Variants in DENND1B observed in about 807,000 individuals in gnomAD.
The protein encoded by DENND1B is DENN domain containing 1B, also known as DENN domain-containing protein 1B.
Under a neutral mutation model 90.1 loss-of-function variants are expected in DENND1B, and 59 were observed. The ratio of observed to expected loss-of-function variants is 0.65; its 90% CI spans 0.53 to 0.81. The LOEUF is 0.81. Ranked by LOEUF, DENND1B falls within the 40% of genes least tolerant of loss-of-function variation. The probability of loss-of-function intolerance (pLI) is 0.00; values close to 1 mark genes in which losing one functional copy is unlikely to be tolerated. For missense variants in DENND1B, 862 were observed against 912.6 expected, an observed-to-expected ratio of 0.94 and a Z score of 0.71; for synonymous variants, 337 against 324.6, an observed-to-expected ratio of 1.04 and a Z score of -0.41.
chr1:197,706,368 G>T (rs1342003413), intron 3 of DENND1B, among the ~76,000 whole-genome samples: 2 of 152,064 alleles, frequency 1.3e-5, no homozygotes, highest in Non-Finnish European at 2.9e-5. Context: ...ATGTTGCGTT[G>T]GGCAAAGATT....
intron 20 of DENND1B, among the ~76,000 whole-genome samples, chr1:197,529,923 G>A (rs1163924864): frequency 6.6e-6 from 1 of 152,102 alleles, no homozygotes; most frequent in Non-Finnish European, 1.5e-5. Context: ...ACCAGAGAAG[G>A]ATCCTTTCCC....
At chr1:197,765,212 C>T (rs1655556903) in intron 2 of DENND1B, among the ~76,000 whole-genome samples, 1 of 152,168 alleles carries the variant, frequency 6.6e-6, no homozygotes, top group African/African-American at 2.4e-5. Context: ...TGAACCAAGA[C>T]ATTACTTTCT....
chr1:197,519,363 T>C (rs938542408), intron 20 of DENND1B, among the ~76,000 whole-genome samples: 16 of 151,904 alleles, frequency 1.1e-4, no homozygotes, highest in African/African-American at 3.9e-4. Context: ...ACATAAAGGA[T>C]AAAGTACTAT....
At chr1:197,684,705 T>TATCAGATTTACAGTAAA (rs1268834797) in intron 3 of DENND1B, among the ~76,000 whole-genome samples, 1 of 152,218 alleles carries the variant, frequency 6.6e-6, no homozygotes, top group Non-Finnish European at 1.5e-5. Flanking sequence ...CTACTAAGAA[T>TATCAGATTTACAGTAAA]ATCAGATTTA....
In DENND1B at chr1:197,680,363, C is replaced by T. The variant is rs539073489; in HGVS notation, c.127-6194G>A. ...AATAGATCATAAAATAGAACACTCC[C>T]CATAATATTTGCTTACATTTCTAGA... On this transcript the variant is annotated intron_variant, in intron 3 of 22. Transcript: ENST00000620048. Among the ~76,000 whole-genome samples the T allele has an allele frequency of 3.3e-5, 5 of 152,150 alleles. No homozygotes were observed. The South Asian group carries it at 8.3e-4, about 25-fold the overall frequency.
At chr1:197,667,323 C>T (rs2125975818) in intron 5 of DENND1B, among the ~76,000 whole-genome samples, 1 of 152,254 alleles carries the variant, frequency 6.6e-6, no homozygotes, top group East Asian at 1.9e-4. Context: ...CAATATCTGG[C>T]TCAAAGATTG....
At chr1:197,631,207 T>A (rs1679293304) in intron 10 of DENND1B, among the ~76,000 whole-genome samples, 1 of 152,118 alleles carries the variant, frequency 6.6e-6, no homozygotes, top group African/African-American at 2.4e-5. Flanking sequence ...TTCTGGAGGA[T>A]GAAGGGTTAG....
intron 10 of DENND1B, among the ~76,000 whole-genome samples, chr1:197,628,113 T>C (rs1295904795): frequency 1.3e-5 from 2 of 152,110 alleles, no homozygotes; most frequent in East Asian, 1.9e-4. Context: ...AGGTATTTTA[T>C]AGATTCAATG....
intron 3 of DENND1B, among the ~76,000 whole-genome samples, chr1:197,707,079 T>TA (rs922580894): frequency 1.3e-5 from 2 of 151,998 alleles, no homozygotes; most frequent in African/African-American, 4.8e-5. Flanking sequence ...TATTCAACTA[T>TA]AAAAAAAGAA....
chr1:197,762,038 T>A (rs765939718), intron 2 of DENND1B: 4 of 152,146 alleles, frequency 2.6e-5, no homozygotes, highest in South Asian at 4.1e-4. Context: ...GAATTGATAA[T>A]CAGAACAATC....
intron 12 of DENND1B, 126 bp from the exon 13 acceptor site, chr1:197,607,300 T>C (rs1167044472): frequency 1.3e-5 from 7 of 543,040 alleles, no homozygotes; most frequent in Non-Finnish European, 1.5e-5. Context: ...GAAAATCCTA[T>C]ATTATGAAAG....
At chr1:197,660,953 C>T (rs909585076) in intron 5 of DENND1B, among the ~76,000 whole-genome samples, 1 of 151,978 alleles carries the variant, frequency 6.6e-6, no homozygotes, top group South Asian at 2.1e-4. Flanking sequence ...GCAAAGGCCT[C>T]GAGAGCAACC....
rs370984373 is a variant in DENND1B, at chr1:197,642,817, T to C, written c.566A>G (p.Asn189Ser). Residue 189 changes from asparagine to serine, a missense_variant, in exon 10 of 23, where the codon AAT becomes AGT. By Grantham distance (46) the Asn-to-Ser change is conservative. Transcript: ENST00000620048. ...TGLPTIPESRNLTEYFVAVDV... is the reference protein window; with the variant it reads ...TGLPTIPESRSLTEYFVAVDV... ...CACGGCAACAAAATATTCTGTAAGA[T>C]TTCTCTGTACAAGTAAAAGATAATT... 102 of 1,610,334 alleles carry C rather than the reference T, an allele frequency of 6.3e-5. No homozygotes were observed. The highest frequency in any genetic ancestry group is 8.1e-5 in the Non-Finnish European group (95 of 1,177,630).
At position 197,755,853 on chromosome 1, in the gene DENND1B, C is replaced by G. The variant is rs371553479; in HGVS notation, c.82+17015G>C. 5.3e-5 allele frequency among the ~76,000 whole-genome samples: 8 copies of G among 152,244 alleles called. No homozygotes were observed. In the South Asian group the frequency reaches 1.7e-3, roughly 32 times the overall value. On this transcript the variant is annotated intron_variant, in intron 2 of 22. Coordinates refer to ENST00000620048, the MANE Select transcript of DENND1B (RefSeq NM_001195215.2). ...AGATCCTGTGAGACCCATTTACTATCACAAGAACAGCACAGGAAAGACCCA... is the reference window on the plus strand; with the variant it reads ...AGATCCTGTGAGACCCATTTACTATGACAAGAACAGCACAGGAAAGACCCA...
intron 20 of DENND1B, among the ~76,000 whole-genome samples, chr1:197,528,865 A>C (rs974847984): frequency 6.6e-6 from 1 of 151,634 alleles, no homozygotes; most frequent in Non-Finnish European, 1.5e-5. Context: ...TCTCAAAAAA[A>C]AAAAAAAATT....
intron 10 of DENND1B, among the ~76,000 whole-genome samples, chr1:197,630,946 CTT>C (rs1679270870): frequency 1.3e-5 from 2 of 152,266 alleles, no homozygotes; most frequent in South Asian, 4.1e-4. Context: ...CGTCACAACT[CTT>C]TGGATTTCTG....
At chr1:197,699,574 C>A (rs913641846) in intron 3 of DENND1B, among the ~76,000 whole-genome samples, 1 of 151,734 alleles carries the variant, frequency 6.6e-6, no homozygotes, top group African/African-American at 2.4e-5. Context: ...TCAGGCAAGA[C>A]AAAGAAATAA....
At position 197,656,256 on chromosome 1, in the gene DENND1B, G is replaced by A. The variant is rs1402932161; in HGVS notation, c.366+2044C>T. The stretch of plus-strand genomic sequence containing the variant: ...CATAAATAACACCAAAATTTTAGGT[G>A]TAGATGGACAAAAAAGGCCCAAAAG... On this transcript the variant is annotated intron_variant, in intron 6 of 22. Transcript: ENST00000620048. Among the ~76,000 whole-genome samples the A allele has an allele frequency of 2.0e-5, 3 of 151,930 alleles. No individual in the cohort carries two copies. The South Asian group carries it at 6.2e-4, about 32-fold the overall frequency.
At chr1:197,707,418 A>G (rs1384563225) in intron 3 of DENND1B, among the ~76,000 whole-genome samples, 1 of 151,880 alleles carries the variant, frequency 6.6e-6, no homozygotes, top group African/African-American at 2.4e-5. Flanking sequence ...AGAAGAGCAG[A>G]TTTTGAATAA....
Sources: allele counts gnomAD v4.1 joint callset (sites outside exome capture counted in the v4.1 genomes callset), GRCh38; gene constraint gnomAD v4.1.1; transcripts MANE v1.5; gene names NCBI Gene and HGNC (gene_info 2026-07-23, HGNC 2026-07-21).